CPQ: variants seen among roughly 807,000 people sequenced by gnomAD.
CPQ encodes carboxypeptidase Q.
CPQ carries 37 observed loss-of-function variants against 45.7 expected under a neutral mutation model. The ratio of observed to expected loss-of-function variants is 0.81; its 90% confidence interval spans 0.62 to 1.07. The LOEUF (loss-of-function observed/expected upper bound fraction) is 1.07. CPQ is among the 50% of genes least tolerant of loss of function. CPQ has a pLI of 0.00. For synonymous variants in CPQ, 186 were observed against 205.8 expected (o/e 0.90, Z 0.82); for missense variants, 537 against 572.9 (o/e 0.94, Z 0.64).
At chr8:96,979,368 A>G (rs1284887753) in intron 5 of CPQ, among the ~76,000 whole-genome samples, 1 of 152,230 alleles carries the variant, frequency 6.6e-6, no homozygotes, top group East Asian at 1.9e-4. Flanking sequence ...GATCCCAGTT[A>G]TACTGAGCCT....
intron 4 of CPQ, among the ~76,000 whole-genome samples, chr8:96,882,914 T>A (rs1271092254): frequency 6.6e-6 from 1 of 152,146 alleles, no homozygotes; most frequent in Non-Finnish European, 1.5e-5. Flanking sequence ...TTCCCTTGAG[T>A]TCCTTTGTAG....
chr8:96,964,082 A>G (rs1386899872), intron 4 of CPQ, among the ~76,000 whole-genome samples: 1 of 140,716 alleles, frequency 7.1e-6, no homozygotes, highest in Non-Finnish European at 1.5e-5. Context: ...ACATTTCATG[A>G]GTTTTCTTTC....
chr8:96,678,023 C>T (rs149988889), intron 1 of CPQ, among the ~76,000 whole-genome samples: 151 of 152,054 alleles, frequency 9.9e-4, no homozygotes, highest in African/African-American at 3.3e-3. Flanking sequence ...TCTGTTCCGT[C>T]GGTCTACATG....
rs567257735 is a variant in CPQ at position 97,128,702 on chromosome 8, AACAG to A, written c.1256-14316_1256-14313del. On this transcript the variant is annotated intron_variant, in intron 7 of 7. Transcript: ENST00000220763. Reference sequence around the variant, plus strand: ...TCTGTCTCAAAAAAACAAACAAACAAACAGAAAAAACTTTCTCCTCAGCTTATTT... The same window carrying A: ...TCTGTCTCAAAAAAACAAACAAACAAAAAAAACTTTCTCCTCAGCTTATTT... Among the ~76,000 whole-genome samples, 15 of 152,218 alleles carry A rather than the reference AACAG, an allele frequency of 9.9e-5. No homozygotes were observed. The South Asian group carries it at 2.7e-3, about 27-fold the overall frequency.
chr8:97,097,033 C>A (rs1811220957), intron 7 of CPQ, among the ~76,000 whole-genome samples: 2 of 152,176 alleles, frequency 1.3e-5, no homozygotes, highest in South Asian at 4.1e-4. Flanking sequence ...TGGTTCTATT[C>A]TTGAAAAGGT....
chr8:96,789,973 G>A (rs1163764188), intron 2 of CPQ, among the ~76,000 whole-genome samples: 1 of 152,140 alleles, frequency 6.6e-6, no homozygotes, highest in Non-Finnish European at 1.5e-5. Flanking sequence ...ATCCCAGGAA[G>A]GCCCTTCTTG....
chr8:96,974,149 G>A (rs942249343), intron 5 of CPQ, among the ~76,000 whole-genome samples: 4 of 152,056 alleles, frequency 2.6e-5, no homozygotes, highest in African/African-American at 7.2e-5. Context: ...AAGGACTCAC[G>A]TAAACTTAAG....
intron 1 of CPQ, among the ~76,000 whole-genome samples, chr8:96,724,059 C>G (rs1359519235): frequency 6.6e-6 from 1 of 152,018 alleles, no homozygotes; most frequent in Non-Finnish European, 1.5e-5. Context: ...CCTATTTGAA[C>G]TAATCATCAT....
chr8:96,718,668 T>A (rs1232514287), intron 1 of CPQ, among the ~76,000 whole-genome samples: 3 of 152,172 alleles, frequency 2.0e-5, no homozygotes, highest in Non-Finnish European at 4.4e-5. Context: ...GCTTTTATTC[T>A]CTTATCTGGC....
chr8:97,096,717 G>T (rs1304528003), intron 7 of CPQ, among the ~76,000 whole-genome samples: 1 of 152,210 alleles, frequency 6.6e-6, no homozygotes, highest in Non-Finnish European at 1.5e-5. Flanking sequence ...TTATGGCAAA[G>T]GAGTAAGATG....
chr8:96,939,447 C>T (rs1347676668), intron 4 of CPQ, among the ~76,000 whole-genome samples: 1 of 152,132 alleles, frequency 6.6e-6, no homozygotes, highest in East Asian at 1.9e-4. Flanking sequence ...CCCCTCACCC[C>T]GCCAATGCTA....
chr8:96,705,556 G>T (rs1220672548), intron 1 of CPQ, among the ~76,000 whole-genome samples: 1 of 152,060 alleles, frequency 6.6e-6, no homozygotes, highest in African/African-American at 2.4e-5. Flanking sequence ...CTGCATCTGT[G>T]GTTTCTTTGC....
chr8:96,793,487 A>G (rs567953556), intron 2 of CPQ, among the ~76,000 whole-genome samples: 5 of 152,164 alleles, frequency 3.3e-5, no homozygotes, highest in Non-Finnish European at 5.9e-5. Context: ...CCATGATTCA[A>G]TTACCTCCCA....
intron 5 of CPQ, among the ~76,000 whole-genome samples, chr8:96,981,564 T>C (rs1813896631): frequency 1.3e-5 from 2 of 152,190 alleles, no homozygotes; most frequent in South Asian, 2.1e-4. Flanking sequence ...TATAGTGAAA[T>C]AATTTTACCT....
chr8:96,818,018 C>A (rs1428580725), intron 2 of CPQ, among the ~76,000 whole-genome samples: 2 of 152,006 alleles, frequency 1.3e-5, no homozygotes, highest in African/African-American at 4.8e-5. Context: ...TATTGACATG[C>A]CTTCCTCACT....
intron 3 of CPQ, among the ~76,000 whole-genome samples, chr8:96,845,849 T>G (rs1365919815): frequency 6.6e-6 from 1 of 152,234 alleles, no homozygotes; most frequent in Non-Finnish European, 1.5e-5. Flanking sequence ...AGACGGAGTT[T>G]CACTCTTGTT....
chr8:96,695,710 TC>T (rs1259334555), intron 1 of CPQ, among the ~76,000 whole-genome samples: 1 of 151,608 alleles, frequency 6.6e-6, no homozygotes, highest in Non-Finnish European at 1.5e-5. Flanking sequence ...TCACTGGCCA[TC>T]AGAGAAATGC....
chr8:96,928,467 A>C (rs1318180225), intron 4 of CPQ, among the ~76,000 whole-genome samples: 2 of 151,482 alleles, frequency 1.3e-5, no homozygotes, highest in Non-Finnish European at 2.9e-5. Flanking sequence ...GGAGAGAGAG[A>C]CCTTGTGTTT....
chr8:96,923,306 G>T (rs983266351), intron 4 of CPQ, among the ~76,000 whole-genome samples: 1 of 152,112 alleles, frequency 6.6e-6, no homozygotes, highest in Admixed American at 6.6e-5. Context: ...TATTCAAAGG[G>T]AGTGCCTTTT....
Sources: allele counts gnomAD v4.1 joint callset (sites outside exome capture counted in the v4.1 genomes callset), GRCh38; gene constraint gnomAD v4.1.1; transcripts MANE v1.5; gene names NCBI Gene and HGNC (gene_info 2026-07-23, HGNC 2026-07-21).